VCPIP1: variants seen among roughly 807,000 people sequenced by gnomAD.
VCPIP1 encodes the protein valosin containing protein interacting protein 1.
A neutral mutation model predicts 85.0 loss-of-function variants in VCPIP1; 8 were observed. The ratio of observed to expected loss-of-function variants is 0.09; its 90% CI spans 0.06 to 0.17. VCPIP1 has a LOEUF of 0.17. VCPIP1 is among the 10% of genes least tolerant of loss of function. VCPIP1 has a pLI of 1.00. For synonymous variants in VCPIP1, 543 were observed against 544.5 expected (o/e 1.00, Z 0.04); for missense variants, 1,070 against 1,486.3 (o/e 0.72, Z 4.61).
chr8:66,642,385 G>A (rs1279115630), intron 2 of VCPIP1, among the ~76,000 whole-genome samples: 2 of 152,062 alleles, frequency 1.3e-5, no homozygotes, highest in Non-Finnish European at 2.9e-5. Context: ...CTGTGGTTGT[G>A]TATTTACTTT....
rs1352469741 is a variant in VCPIP1 at position 66,664,737 on chromosome 8, C to T, written c.2222G>A (p.Gly741Glu). The part of the protein sequence containing the change: ...KTEKLKQEQK[G>E]QPRTVSPSTI... ...ACTGGGAGAAACAGTCCTGGGTTGC[C>T]CTTTTTGTTCTTGTTTTAACTTCTC... Residue 741 changes from glycine (G) to glutamate (E), a missense_variant, in exon 1 of 3, where the codon GGG becomes GAG. By Grantham distance (98) the Gly-to-Glu change is moderately conservative. Coordinates refer to ENST00000310421, the MANE Select transcript of VCPIP1 (RefSeq NM_025054.5). 2 of 1,613,414 alleles carry T rather than the reference C, an allele frequency of 1.2e-6. No homozygotes were observed. The highest frequency in any genetic ancestry group is 1.7e-6 in the Non-Finnish European group (2 of 1,179,828).
intron 2 of VCPIP1, among the ~76,000 whole-genome samples, chr8:66,639,072 C>T (rs1457257696): frequency 1.3e-5 from 2 of 151,000 alleles, no homozygotes; most frequent in African/African-American, 4.9e-5. Context: ...ATGGCCTCAG[C>T]CTCCTGGGCT....
At chr8:66,661,560 CCT>C (rs920197988) in intron 1 of VCPIP1, among the ~76,000 whole-genome samples, 1 of 151,742 alleles carries the variant, frequency 6.6e-6, no homozygotes, top group African/African-American at 2.4e-5. Context: ...ACGGTGAAAC[CCT>C]GTCTCTACTA....
chr8:66,637,953 C>T (rs1810905599), intron 2 of VCPIP1, among the ~76,000 whole-genome samples: 1 of 152,188 alleles, frequency 6.6e-6, no homozygotes, highest in South Asian at 2.1e-4. Context: ...GCCAGGGCGA[C>T]AGAGCGAGAC....
intron 2 of VCPIP1, among the ~76,000 whole-genome samples, chr8:66,639,525 T>C (rs1330557342): frequency 4.6e-5 from 7 of 151,542 alleles, no homozygotes; most frequent in Admixed American, 4.6e-4. Context: ...CAACAAATTT[T>C]TGCATTTTTT....
chr8:66,643,615 A>C (rs1810968056), intron 2 of VCPIP1, among the ~76,000 whole-genome samples: 2 of 151,950 alleles, frequency 1.3e-5, no homozygotes, highest in South Asian at 4.1e-4. Context: ...AGGCATGAGA[A>C]TTGCTTGAAT....
chr8:66,664,710 G>A lies in VCPIP1; in HGVS notation c.2249C>T (p.Thr750Ile), dbSNP rs564484840. The A allele has an allele frequency of 4.3e-6, 7 of 1,613,828 alleles. No individual in the cohort carries two copies. In the East Asian group the frequency reaches 1.1e-4, roughly 26 times the overall value. ...TGCAGAGGATGGACCATCACGAATG[G>A]TACTGGGAGAAACAGTCCTGGGTTG... Reference protein sequence around the residue: ...KGQPRTVSPSTIRDGPSSAPA... With the variant: ...KGQPRTVSPSIIRDGPSSAPA... The change falls in exon 1 of 3, where the codon ACC becomes ATC. Residue 750 changes from threonine to isoleucine, a missense_variant. Physicochemically the swap from Thr to Ile is moderately conservative, Grantham distance 89 (BLOSUM62 -1). Transcript: ENST00000310421.
At chr8:66,661,428 T>A (rs541067476) in intron 1 of VCPIP1, among the ~76,000 whole-genome samples, 36 of 152,224 alleles carry the variant, frequency 2.4e-4, no homozygotes, top group Admixed American at 7.2e-4. Flanking sequence ...TATATTTGAT[T>A]AATTTTCATT....
chr8:66,654,054 G>A (rs1162240123), intron 1 of VCPIP1, among the ~76,000 whole-genome samples: 1 of 152,182 alleles, frequency 6.6e-6, no homozygotes, highest in Non-Finnish European at 1.5e-5. Context: ...AAGCTCTACA[G>A]ACAAGGAAAC....
chr8:66,639,002 G>A (rs1362380296), intron 2 of VCPIP1, among the ~76,000 whole-genome samples: 1 of 135,984 alleles, frequency 7.4e-6, no homozygotes, highest in African/African-American at 3.2e-5. Context: ...ATTTTGTGGG[G>A]GACAGGGTCT....
rs1427164982 is a variant in VCPIP1 at position 66,665,956 on chromosome 8, T to G, written c.1003A>C (p.Lys335Gln). The change falls in exon 1 of 3, where the codon AAA becomes CAA. Residue 335 changes from lysine to glutamine, a missense_variant. Lys to Gln is a moderately conservative substitution (Grantham distance 53, BLOSUM62 1). This residue lies in a region of VCPIP1 where 118 missense variants were observed against 337.1 expected (regional missense o/e 0.35). Transcript: ENST00000310421. This position sits in a 1 kb window ranked among gnomAD's most constrained non-coding sequence, Gnocchi z 4.3. ...GLIPAEKCTGKDGHLNKPICI... is the reference protein window; with the variant it reads ...GLIPAEKCTGQDGHLNKPICI... Reference sequence around the variant, plus strand: ...ATTGGTTTGTTCAAATGACCATCTTTCCCAGTGCACTTCTCTGCAGGGATG... The same window carrying G: ...ATTGGTTTGTTCAAATGACCATCTTGCCCAGTGCACTTCTCTGCAGGGATG... The G allele has an allele frequency of 6.2e-7, 1 of 1,614,232 alleles. No homozygotes were observed. The highest frequency in any genetic ancestry group is 8.5e-7 in the Non-Finnish European group (1 of 1,180,050).
intron 1 of VCPIP1, among the ~76,000 whole-genome samples, chr8:66,663,083 G>A (rs1179109276): frequency 7.2e-6 from 1 of 139,526 alleles, no homozygotes; most frequent in Non-Finnish European, 1.5e-5. Context: ...CCAGCCTGGA[G>A]ACAGAGCAAG....
intron 1 of VCPIP1, among the ~76,000 whole-genome samples, chr8:66,663,229 G>A (rs1371763238): frequency 6.6e-6 from 1 of 151,938 alleles, no homozygotes; most frequent in Non-Finnish European, 1.5e-5. Flanking sequence ...ATTTGTGCAG[G>A]GTTTTTAGAT....
chr8:66,650,860 CAAAAAAAAAAAAAA>C (rs770736039), intron 2 of VCPIP1, among the ~76,000 whole-genome samples: 15 of 13,930 alleles, frequency 1.1e-3, no homozygotes, highest in South Asian at 2.1e-3. Flanking sequence ...GACTTCGTCT[CAAAAAAAAAAAAAA>C]AAAAAAAAAA....
At chr8:66,651,384 C>A in intron 2 of VCPIP1, 74 bp downstream of exon 2, 2 of 1,141,634 alleles carry the variant, frequency 1.8e-6, no homozygotes, top group Non-Finnish European at 1.2e-6. Context: ...TAGTAGAAAA[C>A]TATATGAACT....
chr8:66,643,884 C>CAAAAAAAAAAAAAA (rs35921029), intron 2 of VCPIP1, among the ~76,000 whole-genome samples: 1 of 70,512 alleles, frequency 1.4e-5, no homozygotes, highest in Admixed American at 1.5e-4. Context: ...AATGGACAGC[C>CAAAAAAAAAAAAAA]AAAAAAAAAA....
chr8:66,661,474 G>A (rs560934954), intron 1 of VCPIP1, among the ~76,000 whole-genome samples: 4 of 152,100 alleles, frequency 2.6e-5, no homozygotes, highest in South Asian at 4.2e-4. Context: ...AGTGACTCAC[G>A]CCTGTAATCC....
rs1324276706 is a variant in VCPIP1, at chr8:66,629,769, GC to G, written c.*4731del. On this transcript the variant is annotated 3_prime_UTR_variant, in exon 3 of 3. Transcript: ENST00000310421. The stretch of plus-strand genomic sequence containing the variant: ...AGGCTGAGGTGGGAGGATCACTTGA[GC>G]CCAGGAGGTTGAGGCTGCAGTGAGC... 2 of 152,286 alleles carry G rather than the reference GC, an allele frequency of 1.3e-5. No individual in the cohort carries two copies. Among genetic ancestry groups the G allele is most frequent in the Non-Finnish European group, 2.9e-5 (2 of 68,128 alleles). The allele number at this position is 152,286 out of a possible 1,614,324, so 9.4% of individuals were successfully genotyped here.
In VCPIP1 at chr8:66,629,109, CAT is replaced by C. The variant is rs1222890850; in HGVS notation, c.*5390_*5391del. The C allele has an allele frequency of 2.0e-5, 3 of 152,318 alleles. No individual in the cohort carries two copies. Among genetic ancestry groups the C allele is most frequent in the East Asian group, 3.9e-4 (2 of 5,190 alleles). The allele number at this position is 152,318 out of a possible 1,614,324, so 9.4% of individuals were successfully genotyped here. Reference sequence around the variant, plus strand: ...ACTGAACTCTACCACATTACATTAACATATAACATAGCAAATATTTGAGTGTT... The same window carrying C: ...ACTGAACTCTACCACATTACATTAACATAACATAGCAAATATTTGAGTGTT... On this transcript the variant is annotated 3_prime_UTR_variant, in exon 3 of 3. Transcript: ENST00000310421.
Sources: gnomAD v4.1 joint callset for allele counts (sites outside exome capture counted in the v4.1 genomes callset) on GRCh38, gnomAD v4.1.1 for gene constraint, gnomAD v4.1.1 regional missense constraint, Gnocchi (gnomAD v3.1) non-coding constraint, MANE v1.5 for transcripts, NCBI Gene and HGNC (gene_info 2026-07-23, HGNC 2026-07-21) for gene names.